The following JAKMIP1 variants were observed in gnomAD, a reference collection of about 807,000 sequenced individuals.
JAKMIP1 encodes the protein janus kinase and microtubule interacting protein 1.
A neutral mutation model predicts 113.0 loss-of-function variants in JAKMIP1; 33 were observed. That is an observed-to-expected ratio of 0.29 (90% CI 0.22 to 0.39). The LOEUF is 0.39. Ranked by LOEUF, JAKMIP1 falls within the 10% of genes least tolerant of loss-of-function variation. JAKMIP1 has a pLI of 1.00. For synonymous variants in JAKMIP1, 480 were observed against 459.9 expected (o/e 1.04, Z -0.56); for missense variants, 813 against 1,080.5 (o/e 0.75, Z 3.47).
At chr4:6,052,610 C>A (rs1216843199) in intron 13 of JAKMIP1, among the ~76,000 whole-genome samples, 1 of 146,186 alleles carries the variant, frequency 6.8e-6, no homozygotes, top group East Asian at 2.0e-4. Flanking sequence ...TGCACCACGC[C>A]ACTGTCCTCC....
At chr4:6,133,138 A>G (rs775321490) in intron 1 of JAKMIP1, among the ~76,000 whole-genome samples, 4 of 152,180 alleles carry the variant, frequency 2.6e-5, no homozygotes, top group Non-Finnish European at 5.9e-5. Context: ...CAGAACACCA[A>G]AAAAACCTCA....
chr4:6,168,524 T>C lies in JAKMIP1; in HGVS notation c.-148+31729A>G, dbSNP rs1013387551. Among the ~76,000 whole-genome samples, 6 of 152,146 alleles carry C rather than the reference T, an allele frequency of 3.9e-5. No homozygotes were observed. Among genetic ancestry groups the C allele is most frequent in the African/African-American group, 1.4e-4 (6 of 41,426 alleles). On this transcript the variant is annotated intron_variant, in intron 1 of 20. Coordinates refer to ENST00000409021, the MANE Select transcript of JAKMIP1 (RefSeq NM_001099433.2). This position sits in a 1 kb window ranked among gnomAD's most constrained non-coding sequence, Gnocchi z 4.6. ...TGAATGAACCTGGAAAACATTCCAC[T>C]AAATGAAGAAAGCCAGTCACAAAAT...
intron 1 of JAKMIP1, among the ~76,000 whole-genome samples, chr4:6,122,767 G>A (rs1039286819): frequency 2.6e-5 from 4 of 152,184 alleles, no homozygotes; most frequent in African/African-American, 9.7e-5. Context: ...TGTGGAGGGC[G>A]AGAGCACGGG....
In JAKMIP1 at chr4:6,040,248, T is replaced by C. The variant is rs533214091; in HGVS notation, c.2175+391A>G. ...CGGTTCTGAAAATCACCTGGCTTCA[T>C]CTAATTGCTTTACCTCTGCGTTCCT... is the stretch of plus-strand genomic sequence containing the variant. On this transcript the variant is annotated intron_variant, in intron 18 of 20. Transcript: ENST00000409021. This position sits in a 1 kb window ranked among gnomAD's most constrained non-coding sequence, Gnocchi z 5.8. Among the ~76,000 whole-genome samples, 67 of 152,330 alleles carry C rather than the reference T, an allele frequency of 4.4e-4. No homozygotes were observed. The highest frequency in any genetic ancestry group is 1.5e-3 in the African/African-American group (64 of 41,586).
intron 5 of JAKMIP1, 31 bp downstream of exon 5, chr4:6,084,815 G>A (rs779565532): frequency 1.9e-6 from 3 of 1,604,908 alleles, no homozygotes; most frequent in Non-Finnish European, 2.5e-6. Flanking sequence ...TGCACCCTAT[G>A]AGGCACCGCC....
chr4:6,132,546 G>A (rs1376985740), intron 1 of JAKMIP1, among the ~76,000 whole-genome samples: 2 of 151,942 alleles, frequency 1.3e-5, no homozygotes, highest in African/African-American at 4.8e-5. Context: ...GGAGGCTGAG[G>A]CAGGAGGATC....
At chr4:6,170,419 G>GCCACCATCACC (rs1724354143) in intron 1 of JAKMIP1, among the ~76,000 whole-genome samples, 2 of 120,172 alleles carry the variant, frequency 1.7e-5, no homozygotes, top group Admixed American at 1.6e-4. Flanking sequence ...CCACCACCAC[G>GCCACCATCACC]ACCATCACCA....
intron 1 of JAKMIP1, among the ~76,000 whole-genome samples, chr4:6,198,579 A>G (rs530708142): frequency 6.6e-6 from 1 of 152,282 alleles, no homozygotes; most frequent in South Asian, 2.1e-4. Flanking sequence ...GACTACAGAT[A>G]AGAATTACCC....
intron 10 of JAKMIP1, among the ~76,000 whole-genome samples, chr4:6,060,985 C>T (rs190661553): frequency 6.6e-6 from 1 of 152,322 alleles, no homozygotes. Flanking sequence ...ATACTTCAAG[C>T]ACCAAGAAAG....
In JAKMIP1 at chr4:6,140,037, C is replaced by G. The variant is rs1311248420; in HGVS notation, c.-147-27040G>C. On this transcript the variant is annotated intron_variant, in intron 1 of 20. Coordinates refer to ENST00000409021, the MANE Select transcript of JAKMIP1 (RefSeq NM_001099433.2). The surrounding 1 kb of genome is among the most constrained non-coding windows in gnomAD (Gnocchi z 9.4). Reference sequence around the variant, plus strand: ...CAGAACTAAGAGACCATCCGTTTGTCTTGTGTATTCCATGGTACAGCGGCC... The same window carrying G: ...CAGAACTAAGAGACCATCCGTTTGTGTTGTGTATTCCATGGTACAGCGGCC... Among the ~76,000 whole-genome samples the G allele has an allele frequency of 6.6e-6, 1 of 152,074 alleles. No individual in the cohort carries two copies. The highest frequency in any genetic ancestry group is 1.5e-5 in the Non-Finnish European group (1 of 68,018).
chr4:6,036,144 CAAG>C, intron 18 of JAKMIP1, 37 bp from the exon 19 acceptor site: 1 of 1,472,624 alleles, frequency 6.8e-7, no homozygotes, highest in South Asian at 1.3e-5. Context: ...AGGAAGGTCA[CAAG>C]GAGGTGGACA....
At chr4:6,101,444 C>T (rs1713012601) in intron 3 of JAKMIP1, among the ~76,000 whole-genome samples, 2 of 152,112 alleles carry the variant, frequency 1.3e-5, no homozygotes, top group African/African-American at 4.8e-5. Flanking sequence ...TAACCTTCAG[C>T]CTACTGTCTT....
rs529135037 is a variant in JAKMIP1, at chr4:6,186,830, T to A, written c.-148+13423A>T. 1.3e-5 allele frequency among the ~76,000 whole-genome samples: 2 copies of A among 152,172 alleles called. No individual in the cohort carries two copies. The highest frequency in any genetic ancestry group is 1.3e-4 in the Admixed American group (2 of 15,274). On this transcript the variant is annotated intron_variant, in intron 1 of 20. Coordinates refer to ENST00000409021, the MANE Select transcript of JAKMIP1 (RefSeq NM_001099433.2). This position sits in a 1 kb window ranked among gnomAD's most constrained non-coding sequence, Gnocchi z 5.5. ...TTTCTCCCTTCACTTCTGTCAGGTT[T>A]TTTGTTTGTTTGTTTGAGACAGTCT...
At chr4:6,127,051 C>T (rs1280184911) in intron 1 of JAKMIP1, among the ~76,000 whole-genome samples, 9 of 152,270 alleles carry the variant, frequency 5.9e-5, no homozygotes, top group South Asian at 2.1e-4. Flanking sequence ...CACCCCCATA[C>T]CACACCCGGC....
Position 6,192,930 on chromosome 4 carries a change from G to T in JAKMIP1, c.-148+7323C>A, listed in dbSNP as rs1436584443. On this transcript the variant is annotated intron_variant, in intron 1 of 20. Transcript: ENST00000409021. The surrounding 1 kb of genome is among the most constrained non-coding windows in gnomAD (Gnocchi z 5.0). ...TTGAGTGTCAACTTGATTGGTGAAG[G>T]ATGCAAAGTATTGTTCCTGGGTGTG... Among the ~76,000 whole-genome samples the T allele has an allele frequency of 6.6e-6, 1 of 152,174 alleles. No homozygotes were observed. Among genetic ancestry groups the T allele is most frequent in the East Asian group, 1.9e-4 (1 of 5,192 alleles).
rs866773433 is a variant in JAKMIP1 at position 6,156,821 on chromosome 4, A to G, written c.-148+43432T>C. Reference sequence around the variant, plus strand: ...TCTCATGGCCACACCTGGCACATGGACATGGTCTGCCCATGATAGGTGTTG... The same window carrying G: ...TCTCATGGCCACACCTGGCACATGGGCATGGTCTGCCCATGATAGGTGTTG... On this transcript the variant is annotated intron_variant, in intron 1 of 20. Coordinates refer to ENST00000409021, the MANE Select transcript of JAKMIP1 (RefSeq NM_001099433.2). This position sits in a 1 kb window ranked among gnomAD's most constrained non-coding sequence, Gnocchi z 5.0. Among the ~76,000 whole-genome samples, 3 of 152,232 alleles carry G rather than the reference A, an allele frequency of 2.0e-5. No individual in the cohort carries two copies. Among genetic ancestry groups the G allele is most frequent in the South Asian group, 2.1e-4 (1 of 4,838 alleles).
rs75979873 is a variant in JAKMIP1, at chr4:6,079,278, G to A, written c.1243-280C>T. Reference sequence around the variant, plus strand: ...AGCAAAGATGGATGGATAGATAGATGTATGCATAGATAAGTGGATGGAAGG... The same window carrying A: ...AGCAAAGATGGATGGATAGATAGATATATGCATAGATAAGTGGATGGAAGG... On this transcript the variant is annotated intron_variant, in intron 7 of 20. Coordinates refer to ENST00000409021, the MANE Select transcript of JAKMIP1 (RefSeq NM_001099433.2). 4.3e-3 allele frequency among the ~76,000 whole-genome samples: 649 copies of A among 152,298 alleles called. 2 individuals are homozygous for A. Among genetic ancestry groups the A allele is most frequent in the Admixed American group, 9.7e-3 (148 of 15,292 alleles).
At position 6,094,052 on chromosome 4, in the gene JAKMIP1, GGCCAGGCAGGGTTTTA is replaced by G. The variant is rs1722468864; in HGVS notation, c.625-8439_625-8424del. The stretch of plus-strand genomic sequence containing the variant: ...AGTAGACTGCGAGCTCCCTGCAGAT[GGCCAGGCAGGGTTTTA>G]GCCATGGCCCCCCAGGACTCCCCCG... On this transcript the variant is annotated intron_variant, in intron 3 of 20. Coordinates refer to ENST00000409021, the MANE Select transcript of JAKMIP1 (RefSeq NM_001099433.2). This position sits in a 1 kb window ranked among gnomAD's most constrained non-coding sequence, Gnocchi z 4.2. 6.6e-6 allele frequency among the ~76,000 whole-genome samples: 1 copy of G among 152,034 alleles called. No homozygotes were observed. Among genetic ancestry groups the G allele is most frequent in the African/African-American group, 2.4e-5 (1 of 41,394 alleles).
intron 19 of JAKMIP1, among the ~76,000 whole-genome samples, chr4:6,034,991 T>G (rs899753052): frequency 2.6e-5 from 4 of 152,216 alleles, no homozygotes; most frequent in African/African-American, 9.6e-5. Context: ...TGCTAGCAGA[T>G]GGCCTTCAGG....
Sources: allele counts gnomAD v4.1 joint callset (sites outside exome capture counted in the v4.1 genomes callset), GRCh38; gene constraint gnomAD v4.1.1; non-coding constraint Gnocchi (gnomAD v3.1); transcripts MANE v1.5; gene names NCBI Gene and HGNC (gene_info 2026-07-23, HGNC 2026-07-21).